Variants in EBF1 observed in about 807,000 individuals in gnomAD.
EBF1 encodes transcription factor COE1.
EBF1 carries 10 observed loss-of-function variants against 68.4 expected under a neutral mutation model. That is an observed-to-expected ratio of 0.15 (90% CI 0.09 to 0.25). The LOEUF is 0.25. Ranked by LOEUF, EBF1 falls within the 10% of genes least tolerant of loss-of-function variation. The pLI is 1.00. For missense variants in EBF1, 509 were observed against 794.4 expected (o/e 0.64, Z 4.32); for synonymous variants, 298 against 299.8 (o/e 0.99, Z 0.06).
chr5:158,959,540 C>T (rs192072425), intron 6 of EBF1, among the ~76,000 whole-genome samples: 12 of 152,218 alleles, frequency 7.9e-5, no homozygotes, highest in Admixed American at 6.5e-4. Flanking sequence ...AATCTGTCTG[C>T]CTCGGCCTCC....
At chr5:158,843,237 G>A (rs1790685577) in intron 6 of EBF1, among the ~76,000 whole-genome samples, 1 of 152,176 alleles carries the variant, frequency 6.6e-6, no homozygotes, top group Admixed American at 6.5e-5. Flanking sequence ...GATTCAGGTT[G>A]TGCTAGAAGG....
chr5:158,839,943 G>A, intron 7 of EBF1, 86 bp downstream of exon 7: 1 of 1,337,634 alleles, frequency 7.5e-7, no homozygotes, highest in Non-Finnish European at 1.1e-6. Flanking sequence ...GGGAAAAAAA[G>A]CTACGTATCT....
At chr5:159,014,490 T>G (rs971816702) in intron 6 of EBF1, among the ~76,000 whole-genome samples, 8 of 152,226 alleles carry the variant, frequency 5.3e-5, no homozygotes, top group Non-Finnish European at 2.9e-5. Context: ...CCAGGAGTGT[T>G]ATGAGGCACA....
chr5:158,871,708 C>CA (rs1323337070), intron 6 of EBF1, among the ~76,000 whole-genome samples: 1 of 152,112 alleles, frequency 6.6e-6, no homozygotes, highest in East Asian at 1.9e-4. Flanking sequence ...CATGTCTTTC[C>CA]ACAGATGGGG....
intron 10 of EBF1, among the ~76,000 whole-genome samples, chr5:158,762,988 G>A (rs17056181): frequency 0.016 from 2,390 of 152,182 alleles, 79 homozygotes; most frequent in African/African-American, 0.055. Context: ...AACTTCACTG[G>A]GCCAGGAACA....
At chr5:159,072,802 A>G (rs1778062332) in intron 6 of EBF1, among the ~76,000 whole-genome samples, 1 of 152,236 alleles carries the variant, frequency 6.6e-6, no homozygotes, top group Non-Finnish European at 1.5e-5. Context: ...GTCATGTCAG[A>G]TTAGTAATAT....
At chr5:158,865,386 GC>G (rs1795699708) in intron 6 of EBF1, among the ~76,000 whole-genome samples, 1 of 152,168 alleles carries the variant, frequency 6.6e-6, no homozygotes, top group Admixed American at 6.5e-5. Context: ...ACCTTTCTAA[GC>G]CTCTGCCTCC....
chr5:158,976,822 T>C (rs965398372), intron 6 of EBF1, among the ~76,000 whole-genome samples: 1 of 152,218 alleles, frequency 6.6e-6, no homozygotes, highest in Admixed American at 6.5e-5. Context: ...TATTTTTATC[T>C]GTATGGAATG....
At chr5:158,872,871 T>TGTCC in intron 6 of EBF1, among the ~76,000 whole-genome samples, 1 of 152,216 alleles carries the variant, frequency 6.6e-6, no homozygotes, top group East Asian at 1.9e-4. Flanking sequence ...TGCCAGGCAC[T>TGTCC]GTCCCTGGGT....
Position 158,722,650 on chromosome 5 carries a change from G to A in EBF1, c.1125+8419C>T, listed in dbSNP as rs904378071. Among the ~76,000 whole-genome samples the A allele has an allele frequency of 4.6e-5, 7 of 152,158 alleles. No homozygotes were observed. In the South Asian group the frequency reaches 1.0e-3, roughly 23 times the overall value. ...TCAACTGTTGAGCATGAACATCATC[G>A]GTTATCATATGTATCTCCAGACAAA... On this transcript the variant is annotated intron_variant, in intron 11 of 15. Coordinates refer to ENST00000313708, the MANE Select transcript of EBF1 (RefSeq NM_024007.5).
intron 6 of EBF1, among the ~76,000 whole-genome samples, chr5:158,936,106 G>C (rs1052631424): frequency 6.6e-6 from 1 of 152,146 alleles, no homozygotes. Flanking sequence ...ATGTTCCCTA[G>C]GTGTCTGACA....
At chr5:158,924,759 A>G (rs1452086638) in intron 6 of EBF1, among the ~76,000 whole-genome samples, 2 of 146,920 alleles carry the variant, frequency 1.4e-5, no homozygotes, top group Admixed American at 7.0e-5. Flanking sequence ...AGGCTGAGGC[A>G]GGAGAATGGC....
chr5:159,010,082 G>A (rs1583906851), intron 6 of EBF1, among the ~76,000 whole-genome samples: 2 of 152,276 alleles, frequency 1.3e-5, no homozygotes, highest in East Asian at 3.9e-4. Context: ...ATGATGCCAG[G>A]TGAGCATGAA....
intron 6 of EBF1, among the ~76,000 whole-genome samples, chr5:158,996,146 T>G (rs982019843): frequency 5.3e-5 from 8 of 152,186 alleles, no homozygotes; most frequent in African/African-American, 1.9e-4. Context: ...AATTCACTCT[T>G]TCCAACACCC....
intron 1 of EBF1, chr5:159,097,464 C>A (rs999670777): frequency 3.1e-6 from 1 of 326,854 alleles, no homozygotes; most frequent in African/African-American, 2.1e-5. Flanking sequence ...AGAAAAGTGG[C>A]GGTGGATGAA....
intron 6 of EBF1, among the ~76,000 whole-genome samples, chr5:159,009,362 A>G (rs1343464880): frequency 2.0e-5 from 3 of 152,114 alleles, no homozygotes; most frequent in Non-Finnish European, 2.9e-5. Flanking sequence ...TTCAAAACCT[A>G]CCCTCAACCT....
chr5:159,052,381 A>C (rs1440356830), intron 6 of EBF1, among the ~76,000 whole-genome samples: 2 of 151,366 alleles, frequency 1.3e-5, no homozygotes, highest in Non-Finnish European at 1.5e-5. Context: ...GCAAAAATAC[A>C]CACATGGATC....
intron 10 of EBF1, among the ~76,000 whole-genome samples, chr5:158,753,277 G>C (rs955756339): frequency 6.6e-6 from 1 of 151,984 alleles, no homozygotes; most frequent in Non-Finnish European, 1.5e-5. Context: ...ATAAGAAAAG[G>C]CTTTGTGTAT....
intron 6 of EBF1, among the ~76,000 whole-genome samples, chr5:159,037,957 T>C (rs1770413065): frequency 6.6e-6 from 1 of 152,142 alleles, no homozygotes; most frequent in African/African-American, 2.4e-5. Context: ...AGGGACTGTT[T>C]CTGCACAAAT....
Sources: allele counts gnomAD v4.1 joint callset (sites outside exome capture counted in the v4.1 genomes callset), GRCh38; gene constraint gnomAD v4.1.1; transcripts MANE v1.5; gene names NCBI Gene and HGNC (gene_info 2026-07-23, HGNC 2026-07-21).